Variants in ZNF335 observed in about 807,000 individuals in gnomAD.
The protein encoded by ZNF335 is NRC-interacting factor 1.
A neutral mutation model predicts 145.6 loss-of-function variants in ZNF335; 84 were observed. The observed-to-expected ratio is 0.58, with a 90% CI of 0.48 to 0.69. The LOEUF is 0.69. Ranked by LOEUF, ZNF335 falls within the 30% of genes least tolerant of loss-of-function variation. The pLI is 0.00. For missense variants in ZNF335, 1,865 were observed against 1,809.7 expected, an observed-to-expected ratio of 1.03 and a Z score of -0.55; for synonymous variants, 761 against 717.0, an observed-to-expected ratio of 1.06 and a Z score of -0.98.
Position 45,949,982 on chromosome 20 carries a change from T to C in ZNF335, c.3575A>G (p.Gln1192Arg). The change falls in exon 23 of 28, where the codon CAG becomes CGG. Residue 1192 changes from glutamine (Q) to arginine (R), a missense_variant. Gln to Arg is a conservative substitution (Grantham distance 43). Transcript: ENST00000322927. ...SQEHIIVAQE[Q>R]TVTNQEEAAY... The stretch of plus-strand genomic sequence containing the variant: ...GACTCTTACCTGATTGGTCACTGTC[T>C]GTTCCTGGGCAACGATGATGTGTTC... 1.2e-6 allele frequency: 2 copies of C among 1,614,158 alleles called. No homozygotes were observed. Among genetic ancestry groups the C allele is most frequent in the Non-Finnish European group, 1.7e-6 (2 of 1,180,022 alleles).
intron 3 of ZNF335, 134 bp from the exon 4 acceptor site, chr20:45,968,496 C>T (rs2084002522): frequency 2.7e-6 from 2 of 753,974 alleles, no homozygotes; most frequent in Non-Finnish European, 4.4e-6. Context: ...CGACTGCAAA[C>T]CAGCTGTGTC....
At position 45,972,147 on chromosome 20, in the gene ZNF335, C is replaced by T. The variant is rs1185566080; in HGVS notation, c.-76G>A. ...CCGAGGCTTTCGTAGCCACGTTCCT[C>T]TCTGACTCCGGCATCGACGAGGTCG... On this transcript the variant is annotated 5_prime_UTR_variant, in exon 1 of 28. Transcript: ENST00000322927. 1.6e-6 allele frequency: 2 copies of T among 1,289,576 alleles called. No individual in the cohort carries two copies. The highest frequency in any genetic ancestry group is 2.3e-5 in the Admixed American group (1 of 43,508). The allele number at this position is 1,289,576 out of a possible 1,614,324, so 79.9% of individuals were successfully genotyped here.
chr20:45,971,135 T>C (rs2084057175), intron 2 of ZNF335, 75 bp downstream of exon 2: 7 of 1,445,478 alleles, frequency 4.8e-6, no homozygotes, highest in Non-Finnish European at 6.3e-6. Flanking sequence ...CAAACAAGCC[T>C]TGTTTCCTCT....
intron 7 of ZNF335, 38 bp downstream of exon 7, chr20:45,965,590 A>T: frequency 6.3e-7 from 1 of 1,575,558 alleles, no homozygotes; most frequent in African/African-American, 1.4e-5. Context: ...GCCACTCCTG[A>T]CCCACCCACA....
intron 14 of ZNF335, among the ~76,000 whole-genome samples, chr20:45,959,812 C>G (rs1427153570): frequency 6.6e-6 from 1 of 152,214 alleles, no homozygotes; most frequent in African/African-American, 2.4e-5. Flanking sequence ...AAGCCAATGG[C>G]GTTGCTTCTG....
chr20:45,971,188 C>A lies in ZNF335; in HGVS notation c.201+22G>T, dbSNP rs778916735. 50 of 1,501,916 alleles carry A rather than the reference C, an allele frequency of 3.3e-5. No homozygotes were observed. The East Asian group carries it at 1.2e-3, about 36-fold the overall frequency. The allele number at this position is 1,501,916 out of a possible 1,614,324, so 93.0% of individuals were successfully genotyped here. A position where few individuals can be genotyped will look rare whatever the true frequency, so the allele number is the denominator to read the frequency against. On this transcript the variant is annotated intron_variant, in intron 2 of 27. Transcript: ENST00000322927. ...TGCTCGCGGTCCTTGCCTCCACCCA[C>A]GCCGTCCAGCCGGGTCCATACCTGA...
chr20:45,963,985 C>T lies in ZNF335; in HGVS notation c.1108G>A (p.Glu370Lys). 1 of 1,516,956 alleles carries T rather than the reference C, an allele frequency of 6.6e-7. No individual in the cohort carries two copies. 94.0% of individuals were successfully genotyped at this position (1,516,956 alleles called of 1,614,324 possible). A position where few individuals can be genotyped will look rare whatever the true frequency, so the allele number is the denominator to read the frequency against. Residue 370 changes from glutamate (E) to lysine (K), a missense_variant, in exon 8 of 28, where the codon GAA becomes AAA. By Grantham distance (56) the Glu-to-Lys change is moderately conservative (BLOSUM62 1). Coordinates refer to ENST00000322927, the MANE Select transcript of ZNF335 (RefSeq NM_022095.4). ...LEISDLPDGV[E>K]GEPLVSSQSG... Reference sequence around the variant, plus strand: ...TGGGAACTCACTAGAGGCTCTCCTTCCACACCTGCCACGGACATGCCAGGT... The same window carrying T: ...TGGGAACTCACTAGAGGCTCTCCTTTCACACCTGCCACGGACATGCCAGGT...
chr20:45,952,793 GAC>G, intron 18 of ZNF335, 84 bp from the exon 19 acceptor site: 2 of 1,269,066 alleles, frequency 1.6e-6, no homozygotes, highest in Non-Finnish European at 2.2e-6. Flanking sequence ...ACTGAGGAGT[GAC>G]TGTCACCACA....
rs572532231 is a variant in ZNF335 at position 45,959,301 on chromosome 20, G to T, written c.2153C>A (p.Ser718Tyr). 4 of 1,567,352 alleles carry T rather than the reference G, an allele frequency of 2.6e-6. 1 individual carries two copies. The South Asian group carries it at 4.6e-5, about 18-fold the overall frequency. ...WGRRHPEEPP[S>Y]RRRPFFSLQQ... ...CAGAGAGAAGAAGGGGCGACGGCGGGAGGGGGGCTCCTCAGGGTGGCGCCT... is the reference window on the plus strand; with the variant it reads ...CAGAGAGAAGAAGGGGCGACGGCGGTAGGGGGGCTCCTCAGGGTGGCGCCT... Residue 718 changes from serine to tyrosine, a missense_variant, in exon 15 of 28, where the codon TCC (serine) becomes TAC (tyrosine). Ser to Tyr is a moderately radical substitution (Grantham distance 144, BLOSUM62 -2). Coordinates refer to ENST00000322927, the MANE Select transcript of ZNF335 (RefSeq NM_022095.4).
chr20:45,968,354 T>G lies in ZNF335; in HGVS notation c.451A>C (p.Thr151Pro), dbSNP rs140816224. 7 of 1,611,274 alleles carry G rather than the reference T, an allele frequency of 4.3e-6. No homozygotes were observed. Among genetic ancestry groups the G allele is most frequent in the Non-Finnish European group, 5.9e-6 (7 of 1,177,980 alleles). Residue 151 changes from threonine to proline, a missense_variant, in exon 4 of 28, where the codon ACT becomes CCT. Transcript: ENST00000322927. ...IGPDLIQNCI[T>P]VTSAEDGGAE... ...CCGCCATCCTCAGCACTGGTCACAG[T>G]GATGCAGTCTGGGCAGAGATGGGGA...
intron 14 of ZNF335, 147 bp from the exon 15 acceptor site, chr20:45,959,580 T>C: frequency 1.7e-6 from 1 of 577,084 alleles, no homozygotes; most frequent in Non-Finnish European, 2.7e-6. Flanking sequence ...CCACTGTCCA[T>C]TCTGGTGGCC....
At chr20:45,959,141 G>T in intron 15 of ZNF335, 60 bp downstream of exon 15, 1 of 1,268,782 alleles carries the variant, frequency 7.9e-7, no homozygotes. Flanking sequence ...ATGTGCAAAT[G>T]ATGCTGGGGC....
intron 7 of ZNF335, 95 bp from the exon 8 acceptor site, chr20:45,964,085 C>T (rs2083905522): frequency 1.4e-6 from 2 of 1,448,692 alleles, no homozygotes; most frequent in Non-Finnish European, 1.8e-6. Flanking sequence ...TCCTCCCACC[C>T]ACTCATCACA....
rs750440270 is a variant in ZNF335, at chr20:45,949,236, C to T, written c.3835G>A (p.Val1279Met). Reference protein sequence around the residue: ...LQESQIQYVPVSPGQQLVTQA... With the variant: ...LQESQIQYVPMSPGQQLVTQA... ...GTGACAAGCTGCTGGCCTGGGGACA[C>T]AGGCACATACTGGATCTGGAGGGGA... Residue 1279 changes from valine (V) to methionine (M), a missense_variant, in exon 27 of 28, where the codon GTG becomes ATG. Physicochemically the swap from Val to Met is conservative, Grantham distance 21 (BLOSUM62 1). Transcript: ENST00000322927. The T allele has an allele frequency of 1.2e-6, 2 of 1,613,874 alleles. No individual in the cohort carries two copies. The highest frequency in any genetic ancestry group is 1.7e-6 in the Non-Finnish European group (2 of 1,179,996).
chr20:45,950,147 G>A lies in ZNF335; in HGVS notation c.3487+72C>T, dbSNP rs1056655067. On this transcript the variant is annotated intron_variant, in intron 22 of 27. Transcript: ENST00000322927. ...CCCAGCTGCTACTGTACCCAGTGGT[G>A]CCTTTTGGGGCAGTGGCCCAAGTCT... 7 of 1,591,282 alleles carry A rather than the reference G, an allele frequency of 4.4e-6. No homozygotes were observed. The Admixed American group carries it at 8.6e-5, about 20-fold the overall frequency.
Position 45,948,921 on chromosome 20 carries a change from C to T in ZNF335, c.*32G>A, listed in dbSNP as rs375168009. ...CCCCTACCCCCAGGAGAGCTGGCCG[C>T]AAATCCATGATCTGTGTTGGGCCCT... On this transcript the variant is annotated 3_prime_UTR_variant, in exon 28 of 28. Transcript: ENST00000322927. 3.7e-6 allele frequency: 6 copies of T among 1,613,496 alleles called. No individual in the cohort carries two copies. Among genetic ancestry groups the T allele is most frequent in the Non-Finnish European group, 5.1e-6 (6 of 1,179,968 alleles).
chr20:45,971,726 C>G, intron 1 of ZNF335: 1 of 985,482 alleles, frequency 1.0e-6, no homozygotes, highest in Non-Finnish European at 1.2e-6. Flanking sequence ...TCTCGTGGAG[C>G]GTTCCGCTCT....
In ZNF335 at chr20:45,950,075, C is replaced by T. The variant is rs201983124; in HGVS notation, c.3488-6G>A. 5.7e-4 allele frequency: 920 copies of T among 1,613,130 alleles called. 4 individuals are homozygous for T. The African/African-American group carries it at 0.011, about 19-fold the overall frequency. On this transcript the variant is annotated splice_region_variant and splice_polypyrimidine_tract_variant and intron_variant, in intron 22 of 27. Coordinates refer to ENST00000322927, the MANE Select transcript of ZNF335 (RefSeq NM_022095.4). ...GTGACTGGACTGGAGTGCAGCTGGG[C>T]AGAGAGGAGAGGATGCTCACCTGGG...
intron 9 of ZNF335, 26 bp from the exon 10 acceptor site, chr20:45,962,208 G>A (rs753254521): frequency 6.3e-7 from 1 of 1,598,134 alleles, no homozygotes; most frequent in Non-Finnish European, 8.6e-7. Context: ...AAGGATGGTG[G>A]GCTGGGGCTT....
Sources: allele counts gnomAD v4.1 joint callset (sites outside exome capture counted in the v4.1 genomes callset), GRCh38; gene constraint gnomAD v4.1.1; transcripts MANE v1.5; gene names NCBI Gene and HGNC (gene_info 2026-07-23, HGNC 2026-07-21).